The following BTLA variants were observed in gnomAD, a reference collection of about 807,000 sequenced individuals.
The protein encoded by BTLA is B- and T-lymphocyte attenuator.
A neutral mutation model predicts 25.0 loss-of-function variants in BTLA; 11 were observed. That is an observed-to-expected ratio of 0.44 (90% CI 0.28 to 0.73). BTLA has a LOEUF of 0.73. Ranked by LOEUF, BTLA falls within the 30% of genes least tolerant of loss-of-function variation. The probability of loss-of-function intolerance (pLI) is 0.15; values close to 1 mark genes in which losing one functional copy is unlikely to be tolerated. For synonymous variants in BTLA, 104 were observed against 119.8 expected, an observed-to-expected ratio of 0.87 and a Z score of 0.86; for missense variants, 282 against 332.8, an observed-to-expected ratio of 0.85 and a Z score of 1.19.
Position 112,488,316 on chromosome 3 carries a change from G to A in BTLA, c.89-8547C>T, listed in dbSNP as rs1357723090. ...AATCTCCGCTCACTGCAAGCCTCCCGGGTTCACGCCATTCTCCTGCCTCAG... is the reference window on the plus strand; with the variant it reads ...AATCTCCGCTCACTGCAAGCCTCCCAGGTTCACGCCATTCTCCTGCCTCAG... On this transcript the variant is annotated intron_variant, in intron 1 of 4. Coordinates refer to ENST00000334529, the MANE Select transcript of BTLA (RefSeq NM_181780.4). Among the ~76,000 whole-genome samples the A allele has an allele frequency of 4.4e-5, 6 of 135,372 alleles. No individual in the cohort carries two copies. The East Asian group carries it at 7.5e-4, about 17-fold the overall frequency. 88.8% of individuals were successfully genotyped at this position (135,372 alleles called of 152,430 possible). A position where few individuals can be genotyped will look rare whatever the true frequency, so the allele number is the denominator to read the frequency against.
At chr3:112,472,439 G>A (rs2082267847) in intron 2 of BTLA, among the ~76,000 whole-genome samples, 1 of 152,130 alleles carries the variant, frequency 6.6e-6, no homozygotes, top group Non-Finnish European at 1.5e-5. Context: ...GCTCACACCT[G>A]TAATCTCAGC....
chr3:112,498,376 T>G (rs1444484965), intron 1 of BTLA, among the ~76,000 whole-genome samples: 1 of 151,902 alleles, frequency 6.6e-6, no homozygotes, highest in Non-Finnish European at 1.5e-5. Flanking sequence ...GAGGATGCAG[T>G]GAGGCGGGAT....
chr3:112,498,117 A>C (rs1335541747), intron 1 of BTLA, among the ~76,000 whole-genome samples: 2 of 152,176 alleles, frequency 1.3e-5, no homozygotes, highest in Non-Finnish European at 2.9e-5. Context: ...TCTTGCGAAA[A>C]TGCTCAGGCT....
At chr3:112,485,357 A>G (rs1013849195) in intron 1 of BTLA, among the ~76,000 whole-genome samples, 1 of 152,110 alleles carries the variant, frequency 6.6e-6, no homozygotes, top group Non-Finnish European at 1.5e-5. Context: ...AAATAGCACA[A>G]TTCTAATTGT....
chr3:112,486,988 G>A (rs2082351721), intron 1 of BTLA, among the ~76,000 whole-genome samples: 1 of 152,176 alleles, frequency 6.6e-6, no homozygotes, highest in Non-Finnish European at 1.5e-5. Context: ...AGGACACAAA[G>A]TGTCCTTGGA....
chr3:112,480,505 T>C (rs2082312377), intron 1 of BTLA, among the ~76,000 whole-genome samples: 1 of 152,210 alleles, frequency 6.6e-6, no homozygotes, highest in Non-Finnish European at 1.5e-5. Context: ...CTCTGTAGGC[T>C]GGGAAGTCCA....
intron 2 of BTLA, among the ~76,000 whole-genome samples, chr3:112,472,471 C>T (rs1460950359): frequency 6.6e-6 from 1 of 151,718 alleles, no homozygotes; most frequent in African/African-American, 2.4e-5. Context: ...CCGAGGTAGG[C>T]GGATCACTTG....
Position 112,499,294 on chromosome 3 carries a change from T to A in BTLA, c.65A>T (p.Tyr22Phe). Residue 22 changes from tyrosine (Y) to phenylalanine (F), a missense_variant, in exon 1 of 5, where the codon TAT (tyrosine) becomes TTT (phenylalanine). By Grantham distance (22) the Tyr-to-Phe change is conservative. Coordinates refer to ENST00000334529, the MANE Select transcript of BTLA (RefSeq NM_181780.4). ...ACCATGGATGTTCCAGATGTCCAGATATGGGATTAAGAAGAAGACCCAAAA... is the reference window on the plus strand; with the variant it reads ...ACCATGGATGTTCCAGATGTCCAGAAATGGGATTAAGAAGAAGACCCAAAA... ...KLFWVFFLIP[Y>F]LDIWNIHGKE... 1 of 1,610,662 alleles carries A rather than the reference T, an allele frequency of 6.2e-7. No individual in the cohort carries two copies. The highest frequency in any genetic ancestry group is 8.5e-7 in the Non-Finnish European group (1 of 1,176,936).
chr3:112,485,908 A>C (rs1014413147), intron 1 of BTLA, among the ~76,000 whole-genome samples: 2 of 152,174 alleles, frequency 1.3e-5, no homozygotes, highest in African/African-American at 4.8e-5. Flanking sequence ...GTCAGGAGAT[A>C]GAGACCATCC....
rs949461065 is a variant in BTLA, at chr3:112,467,203, G to A, written c.595-820C>T. On this transcript the variant is annotated intron_variant, in intron 4 of 4. Transcript: ENST00000334529. ...TCTCGATCTCCTGACCTCGTGATCC[G>A]CCCGCCTCGGCCTCCCAAAGTGCGA... Among the ~76,000 whole-genome samples the A allele has an allele frequency of 2.6e-5, 4 of 151,922 alleles. No individual in the cohort carries two copies. In the South Asian group the frequency reaches 6.2e-4, roughly 24 times the overall value.
chr3:112,475,232 C>A (rs1187184584), intron 2 of BTLA, among the ~76,000 whole-genome samples: 1 of 152,050 alleles, frequency 6.6e-6, no homozygotes, highest in Non-Finnish European at 1.5e-5. Context: ...CATTAATTAA[C>A]AAACTGATAA....
intron 2 of BTLA, among the ~76,000 whole-genome samples, chr3:112,473,920 G>A (rs2082276403): frequency 6.6e-6 from 1 of 152,054 alleles, no homozygotes; most frequent in South Asian, 2.1e-4. Context: ...CCAGCCTTGG[G>A]GAAGTTCTTA....
intron 4 of BTLA, 132 bp downstream of exon 4, chr3:112,469,626 T>TATATAC (rs1220221133): frequency 4.1e-5 from 1 of 24,678 alleles, no homozygotes; most frequent in African/African-American, 6.5e-5. Flanking sequence ...TATATATATA[T>TATATAC]ATATATATAT....
intron 2 of BTLA, among the ~76,000 whole-genome samples, chr3:112,479,102 AAAG>A (rs1239889414): frequency 6.6e-6 from 1 of 152,138 alleles, no homozygotes; most frequent in Non-Finnish European, 1.5e-5. Flanking sequence ...AAAAAACAAC[AAAG>A]AAGGACAAGC....
chr3:112,496,786 G>A (rs1002712911), intron 1 of BTLA, among the ~76,000 whole-genome samples: 1 of 151,796 alleles, frequency 6.6e-6, no homozygotes, highest in Admixed American at 6.6e-5. Context: ...TGAGTGCAGT[G>A]GTGTGATCTC....
intron 1 of BTLA, among the ~76,000 whole-genome samples, chr3:112,491,251 T>C (rs2082378384): frequency 6.6e-6 from 1 of 152,202 alleles, no homozygotes; most frequent in African/African-American, 2.4e-5. Context: ...CTAGAATCAC[T>C]GCTACACATT....
In BTLA at chr3:112,465,287, C is replaced by G. The variant is rs1290543970; in HGVS notation, c.*821G>C. 1 of 152,714 alleles carries G rather than the reference C, an allele frequency of 6.5e-6. No individual in the cohort carries two copies. The highest frequency in any genetic ancestry group is 1.9e-4 in the East Asian group (1 of 5,184). 9.5% of individuals were successfully genotyped at this position (152,714 alleles called of 1,614,324 possible). On this transcript the variant is annotated 3_prime_UTR_variant, in exon 5 of 5. Transcript: ENST00000334529. Reference sequence around the variant, plus strand: ...GCAGTTTAAGCTATCTTCACTTGCCCAGTGATACCTATTCTGACTAACTTT... The same window carrying G: ...GCAGTTTAAGCTATCTTCACTTGCCGAGTGATACCTATTCTGACTAACTTT...
At chr3:112,479,121 C>G (rs2082304456) in intron 2 of BTLA, among the ~76,000 whole-genome samples, 1 of 148,078 alleles carries the variant, frequency 6.8e-6, no homozygotes, top group Non-Finnish European at 1.5e-5. Flanking sequence ...CAAGCAATCA[C>G]AGAGCTATTC....
chr3:112,466,496 A>AG, intron 4 of BTLA, 113 bp from the exon 5 acceptor site: 1 of 972,658 alleles, frequency 1.0e-6, no homozygotes, highest in Non-Finnish European at 1.4e-6. Flanking sequence ...TGTGAGAAAT[A>AG]ATCTACTGTT....
Sources: allele counts gnomAD v4.1 joint callset (sites outside exome capture counted in the v4.1 genomes callset), GRCh38; gene constraint gnomAD v4.1.1; transcripts MANE v1.5; gene names NCBI Gene and HGNC (gene_info 2026-07-23, HGNC 2026-07-21).